Variants in ATM observed in about 807,000 individuals in gnomAD.
The protein encoded by ATM is ATM serine/threonine kinase, also known as serine-protein kinase ATM.
ATM carries 308 observed loss-of-function variants against 387.0 expected under a neutral mutation model. That is an observed-to-expected ratio of 0.80 (90% CI 0.73 to 0.87). The LOEUF is 0.87. Ranked by LOEUF, ATM falls within the 40% of genes least tolerant of loss-of-function variation. The pLI is 0.00. For missense variants in ATM, 3,312 were observed against 3,560.9 expected, an observed-to-expected ratio of 0.93 and a Z score of 1.78; for synonymous variants, 1,156 against 1,187.3, an observed-to-expected ratio of 0.97 and a Z score of 0.54.
intron 35 of ATM, among the ~76,000 whole-genome samples, chr11:108,302,377 A>G (rs1489327277): frequency 6.6e-6 from 1 of 152,120 alleles, no homozygotes; most frequent in Admixed American, 6.5e-5. Flanking sequence ...CAGGGCAGAA[A>G]CCCAACATTG....
At chr11:108,360,334 C>T (rs1029835532) in intron 61 of ATM, among the ~76,000 whole-genome samples, 5 of 150,672 alleles carry the variant, frequency 3.3e-5, no homozygotes, top group Non-Finnish European at 5.9e-5. Flanking sequence ...AGTCCAGGAC[C>T]AGATGGATTC....
At chr11:108,273,596 C>T (rs1157479122) in intron 22 of ATM, among the ~76,000 whole-genome samples, 3 of 151,938 alleles carry the variant, frequency 2.0e-5, no homozygotes, top group Non-Finnish European at 4.4e-5. Context: ...CCCACCTTGT[C>T]CTCCCAAAGT....
At chr11:108,303,176 T>C in intron 36 of ATM, 147 bp downstream of exon 36, 5 of 883,530 alleles carry the variant, frequency 5.7e-6, no homozygotes, top group Non-Finnish European at 8.5e-6. Context: ...TATTTAGTCA[T>C]AACTTTATGC....
chr11:108,229,496 T>C (rs992127394), intron 4 of ATM, 173 bp downstream of exon 4: 2 of 616,882 alleles, frequency 3.2e-6, no homozygotes, highest in Non-Finnish European at 5.2e-6. Context: ...TATTAAAAGG[T>C]TTTTTTTTAG....
rs765848319 is a variant in ATM, at chr11:108,271,254, T to C, written c.2925T>C (p.Asn975=). ...DVLELLKPLS[N]VCSLYRRDQD... ...TTTTTTTTTTTTTTTACCACAGCAA[T>C]GTGTGTTCTTTGTATCGTCGTGACC... is the stretch of plus-strand genomic sequence containing the variant. The change falls in exon 20 of 63, where the codon AAT becomes AAC. Residue 975 remains asparagine (N), a synonymous_variant. Coordinates refer to ENST00000675843, the MANE Select transcript of ATM (RefSeq NM_000051.4). 1 of 1,613,396 alleles carries C rather than the reference T, an allele frequency of 6.2e-7. No homozygotes were observed. The highest frequency in any genetic ancestry group is 1.1e-5 in the South Asian group (1 of 91,072).
intron 31 of ATM, 125 bp downstream of exon 31, chr11:108,293,602 T>A: frequency 1.1e-6 from 1 of 883,960 alleles, no homozygotes; most frequent in Non-Finnish European, 1.7e-6. Context: ...AATATATACG[T>A]AGGCCAGGCA....
chr11:108,345,972 G>C (rs2137043991), intron 58 of ATM, 64 bp downstream of exon 58: 1 of 1,585,876 alleles, frequency 6.3e-7, no homozygotes, highest in Non-Finnish European at 8.6e-7. Flanking sequence ...ATTTTTGTTT[G>C]ATTCAGCACT....
At chr11:108,332,732 TATGTA>T in intron 52 of ATM, 25 bp from the exon 53 acceptor site, 1 of 1,604,614 alleles carries the variant, frequency 6.2e-7, no homozygotes, top group Non-Finnish European at 8.5e-7. Flanking sequence ...GGTAGTTCCT[TATGTA>T]ATGTTTTTTG....
At chr11:108,354,662 C>G (rs1461952250) in intron 60 of ATM, 149 bp from the exon 61 acceptor site, 2 of 761,710 alleles carry the variant, frequency 2.6e-6, no homozygotes, top group Non-Finnish European at 4.6e-6. Context: ...TGAAAGCCCA[C>G]TCTGCCAAGT....
chr11:108,229,420 C>G (rs2135043007), intron 4 of ATM, 97 bp downstream of exon 4: 1 of 1,179,364 alleles, frequency 8.5e-7, no homozygotes, highest in African/African-American at 1.6e-5. Context: ...TTAACTGTTG[C>G]ATAAGTTTGT....
At chr11:108,316,611 A>C (rs1352558134) in intron 42 of ATM, among the ~76,000 whole-genome samples, 3 of 151,944 alleles carry the variant, frequency 2.0e-5, no homozygotes, top group Non-Finnish European at 4.4e-5. Context: ...ATATTTTGGG[A>C]TTAAAAAAAT....
chr11:108,331,940 C>G lies in ATM; in HGVS notation c.7691C>G (p.Ala2564Gly), dbSNP rs775295535. ...ACTTTGTTTATTATACTGGCCTTAG[C>G]AAATGCAAACAGAGATGAATTTCTG... ...HHTLFIILAL[A>G]NANRDEFLTK... Residue 2564 changes from alanine (A) to glycine (G), a missense_variant, in exon 52 of 63, where the codon GCA (alanine) becomes GGA (glycine). Coordinates refer to ENST00000675843, the MANE Select transcript of ATM (RefSeq NM_000051.4). 3 of 1,613,880 alleles carry G rather than the reference C, an allele frequency of 1.9e-6. No homozygotes were observed. The highest frequency in any genetic ancestry group is 2.2e-5 in the East Asian group (1 of 44,840).
intron 5 of ATM, among the ~76,000 whole-genome samples, chr11:108,242,977 T>C (rs1339393108): frequency 6.6e-6 from 1 of 152,252 alleles, no homozygotes; most frequent in East Asian, 1.9e-4. Flanking sequence ...CCTAGCACTT[T>C]GGGAGGCCAA....
At chr11:108,329,278 G>C (rs1488071646) in intron 49 of ATM, 40 bp downstream of exon 49, 1 of 1,526,298 alleles carries the variant, frequency 6.6e-7, no homozygotes, top group Non-Finnish European at 9.0e-7. Flanking sequence ...ATGTTCACCA[G>C]TTAACTGAGT....
intron 49 of ATM, chr11:108,329,453 C>T: frequency 1.8e-6 from 1 of 559,988 alleles, no homozygotes; most frequent in Non-Finnish European, 3.2e-6. Flanking sequence ...GTCACCCAGG[C>T]TGGAGTACAG....
At chr11:108,314,376 G>C (rs1399284790) in intron 40 of ATM, among the ~76,000 whole-genome samples, 1 of 152,072 alleles carries the variant, frequency 6.6e-6, no homozygotes, top group Non-Finnish European at 1.5e-5. Flanking sequence ...AAAGTACTGG[G>C]ATTAAAGATG....
Position 108,366,696 on chromosome 11 carries a change from TAGG to T in ATM, c.*1191_*1193del, listed in dbSNP as rs1409744923. 4.3e-6 allele frequency: 1 copy of T among 231,252 alleles called. No homozygotes were observed. Among genetic ancestry groups the T allele is most frequent in the Non-Finnish European group, 8.6e-6 (1 of 116,858 alleles). The allele number at this position is 231,252 out of a possible 1,614,324, so 14.3% of individuals were successfully genotyped here. ...ACCTGAAGTGTAGCATAAATACTGA[TAGG>T]AGATTTCCCAGGCCAAGGCAAACAC... On this transcript the variant is annotated 3_prime_UTR_variant, in exon 63 of 63. Transcript: ENST00000675843.
intron 24 of ATM, among the ~76,000 whole-genome samples, chr11:108,281,965 ATTTAT>A (rs2082257202): frequency 6.6e-6 from 1 of 151,878 alleles, no homozygotes; most frequent in Non-Finnish European, 1.5e-5. Flanking sequence ...TTTACTTTAT[ATTTAT>A]TTATTTATTT....
rs876658300 is a variant in ATM at position 108,317,506 on chromosome 11, A to G, written c.6332A>G (p.His2111Arg). Reference protein sequence around the residue: ...QAAWRNMQWDHCTSVSKEVEG... With the variant: ...QAAWRNMQWDRCTSVSKEVEG... Reference sequence around the variant, plus strand: ...GCATGGAGGAATATGCAGTGGGACCATTGCACTTCCGTCAGGTAAGAAATT... The same window carrying G: ...GCATGGAGGAATATGCAGTGGGACCGTTGCACTTCCGTCAGGTAAGAAATT... The change falls in exon 43 of 63, where the codon CAT becomes CGT. Residue 2111 changes from histidine to arginine, a missense_variant. Physicochemically the swap from His to Arg is conservative, Grantham distance 29. This residue lies in a region of ATM where 1,405 missense variants were observed against 1,604.4 expected (regional missense o/e 0.88). Coordinates refer to ENST00000675843, the MANE Select transcript of ATM (RefSeq NM_000051.4). The G allele has an allele frequency of 1.6e-5, 26 of 1,608,234 alleles. No homozygotes were observed. Among genetic ancestry groups the G allele is most frequent in the Non-Finnish European group, 2.0e-5 (23 of 1,177,514 alleles).
Sources: gnomAD v4.1 joint callset for allele counts (sites outside exome capture counted in the v4.1 genomes callset) on GRCh38, gnomAD v4.1.1 for gene constraint, gnomAD v4.1.1 regional missense constraint, MANE v1.5 for transcripts, NCBI Gene and HGNC (gene_info 2026-07-23, HGNC 2026-07-21) for gene names.